Variants in CCDC30 observed in about 807,000 individuals in gnomAD.
CCDC30 encodes the protein coiled-coil domain containing 30.
A neutral mutation model predicts 100.2 loss-of-function variants in CCDC30; 70 were observed. The observed-to-expected ratio is 0.70, with a 90% CI of 0.58 to 0.85. The LOEUF (loss-of-function observed/expected upper bound fraction) is 0.85, where lower values mean the gene tolerates loss of function less well. Ranked by LOEUF, CCDC30 falls within the 40% of genes least tolerant of loss-of-function variation. The pLI is 0.00. For synonymous variants in CCDC30, 233 were observed against 269.5 expected (o/e 0.86, Z 1.33); for missense variants, 652 against 771.2 (o/e 0.85, Z 1.83).
chr1:42,614,015 T>A (rs1646676623), intron 11 of CCDC30, among the ~76,000 whole-genome samples: 1 of 152,064 alleles, frequency 6.6e-6, no homozygotes, highest in Non-Finnish European at 1.5e-5. Flanking sequence ...TTTTACCACA[T>A]CCTCGTTAGC....
intron 1 of CCDC30, among the ~76,000 whole-genome samples, chr1:42,471,511 C>G (rs1250506656): frequency 6.6e-6 from 1 of 152,102 alleles, no homozygotes; most frequent in Non-Finnish European, 1.5e-5. Flanking sequence ...TTAGCATTAT[C>G]ACATATTTCT....
At chr1:42,566,471 T>C in exon 7 of CCDC30, 1 of 1,612,740 alleles carries the variant, frequency 6.2e-7, no homozygotes, top group Non-Finnish European at 8.5e-7. Flanking sequence ...GAAGAAAACA[T>C]TAAGGTAACT....
rs78672506 is a variant in CCDC30 at position 42,501,103 on chromosome 1, C to T, written c.456+2187C>T. Reference sequence around the variant, plus strand: ...AGCCTATTTAAGAAATCTTTATCTACTCTAAGGTCACAAAATATGTTTCTT... The same window carrying T: ...AGCCTATTTAAGAAATCTTTATCTATTCTAAGGTCACAAAATATGTTTCTT... On this transcript the variant is annotated intron_variant, in intron 6 of 16. Coordinates refer to ENST00000668663, the Ensembl canonical transcript of CCDC30. 3.7e-3 allele frequency among the ~76,000 whole-genome samples: 565 copies of T among 152,242 alleles called. 2 individuals are homozygous for T. Among genetic ancestry groups the T allele is most frequent in the African/African-American group, 0.013 (545 of 41,550 alleles).
At chr1:42,652,290 A>G (rs1326945571) in intron 15 of CCDC30, among the ~76,000 whole-genome samples, 1 of 152,200 alleles carries the variant, frequency 6.6e-6, no homozygotes, top group Non-Finnish European at 1.5e-5. Flanking sequence ...GCATAGAGCA[A>G]AATGCTGGTT....
chr1:42,492,908 G>T (rs1644168637), intron 4 of CCDC30, among the ~76,000 whole-genome samples: 1 of 152,084 alleles, frequency 6.6e-6, no homozygotes. Context: ...GCCTCCCAAA[G>T]TGCTGGGATT....
intron 15 of CCDC30, among the ~76,000 whole-genome samples, chr1:42,653,103 A>G (rs1031747520): frequency 2.0e-5 from 3 of 152,182 alleles, no homozygotes; most frequent in African/African-American, 7.2e-5. Context: ...AATTTATATA[A>G]CAAAAGAAGC....
At chr1:42,591,569 C>T (rs1646187146) in intron 10 of CCDC30, 1 of 152,386 alleles carries the variant, frequency 6.6e-6, no homozygotes, top group African/African-American at 2.4e-5. Context: ...GAGAGATAGC[C>T]TGGGTGCCCA....
At chr1:42,611,733 G>A (rs1194995865) in intron 11 of CCDC30, among the ~76,000 whole-genome samples, 1 of 152,024 alleles carries the variant, frequency 6.6e-6, no homozygotes, top group East Asian at 1.9e-4. Context: ...CTGGAGTGGA[G>A]TGTCACGATC....
intron 1 of CCDC30, among the ~76,000 whole-genome samples, chr1:42,474,886 GTTATATTAACT>G (rs764026306): frequency 6.6e-6 from 1 of 152,118 alleles, no homozygotes; most frequent in Non-Finnish European, 1.5e-5. Context: ...TTGTGAAGCC[GTTATATTAACT>G]GCAAGCTTTT....
chr1:42,579,787 A>G (rs559022011), intron 8 of CCDC30, among the ~76,000 whole-genome samples: 195 of 152,044 alleles, frequency 1.3e-3, no homozygotes, highest in Non-Finnish European at 2.0e-3. Context: ...ACTTGAACCC[A>G]AAGTTCAAGA....
intron 1 of CCDC30, 97 bp from the exon 2 acceptor site, chr1:42,480,364 T>G (rs1643938612): frequency 6.6e-6 from 1 of 152,070 alleles, no homozygotes; most frequent in Non-Finnish European, 1.5e-5. Context: ...TATTTTTATA[T>G]ATTGACCTTA....
intron 6 of CCDC30, among the ~76,000 whole-genome samples, chr1:42,557,965 G>A (rs1249563315): frequency 6.6e-6 from 1 of 152,002 alleles, no homozygotes; most frequent in Non-Finnish European, 1.5e-5. Context: ...TACTTACCTT[G>A]CTCTTTTTTG....
rs559424139 is a variant in CCDC30, at chr1:42,552,711, G to A, written c.457-13585G>A. Among the ~76,000 whole-genome samples the A allele has an allele frequency of 3.9e-5, 6 of 152,254 alleles. No individual in the cohort carries two copies. The East Asian group carries it at 7.7e-4, about 20-fold the overall frequency. On this transcript the variant is annotated intron_variant, in intron 6 of 16. Transcript: ENST00000668663. The stretch of plus-strand genomic sequence containing the variant: ...CAGTAGCCTCCACTTACAGCACATG[G>A]CTGAGAAGGGGAGGAGTGACTTGTG...
At chr1:42,634,443 G>A (rs952258284) in intron 11 of CCDC30, among the ~76,000 whole-genome samples, 2 of 151,950 alleles carry the variant, frequency 1.3e-5, no homozygotes, top group African/African-American at 4.8e-5. Context: ...TATTTATCAG[G>A]CCTAAAATGT....
exon 15 of CCDC30, chr1:42,646,314 G>A: frequency 1.3e-6 from 2 of 1,493,110 alleles, no homozygotes; most frequent in Non-Finnish European, 1.8e-6. Context: ...ACTCTGAGCA[G>A]ATGGTAGGAG....
chr1:42,536,252 C>G (rs1644902398), intron 6 of CCDC30, among the ~76,000 whole-genome samples: 1 of 152,016 alleles, frequency 6.6e-6, no homozygotes, highest in Admixed American at 6.5e-5. Flanking sequence ...TTTATTCCTA[C>G]TGTGATGGCT....
intron 6 of CCDC30, among the ~76,000 whole-genome samples, chr1:42,500,572 C>A (rs546836671): frequency 6.6e-6 from 1 of 152,152 alleles, no homozygotes; most frequent in South Asian, 2.1e-4. Context: ...CGCCACCACG[C>A]CCGGCTAATT....
At chr1:42,588,135 C>T (rs1041093394) in intron 9 of CCDC30, among the ~76,000 whole-genome samples, 1 of 152,152 alleles carries the variant, frequency 6.6e-6, no homozygotes, top group African/African-American at 2.4e-5. Flanking sequence ...AGTTTCTTGC[C>T]TGAGGGTCAG....
At chr1:42,537,219 T>G (rs1644922616) in intron 6 of CCDC30, 1 of 456,176 alleles carries the variant, frequency 2.2e-6, no homozygotes, top group Non-Finnish European at 4.4e-6. Flanking sequence ...TCGTTTTAAC[T>G]TCTTGTCCTG....
Sources: allele counts gnomAD v4.1 joint callset (sites outside exome capture counted in the v4.1 genomes callset), GRCh38; gene constraint gnomAD v4.1.1; transcripts MANE v1.5; gene names NCBI Gene and HGNC (gene_info 2026-07-23, HGNC 2026-07-21).